The following MSRB2 variants were observed in gnomAD, a reference collection of about 807,000 sequenced individuals.
MSRB2 encodes methionine sulfoxide reductase B2, also known as methionine-R-sulfoxide reductase B2, mitochondrial.
Under a neutral mutation model 19.0 loss-of-function variants are expected in MSRB2, and 17 were observed. That is an observed-to-expected ratio of 0.89 (90% CI 0.61 to 1.34). The LOEUF (loss-of-function observed/expected upper bound fraction) is 1.34. Among genes scored for constraint, MSRB2 ranks in the 40% most tolerant of loss-of-function variants. MSRB2 has a pLI of 0.00. For synonymous variants in MSRB2, 107 were observed against 99.7 expected (o/e 1.07, Z -0.44); for missense variants, 208 against 237.6 (o/e 0.88, Z 0.82).
intron 3 of MSRB2, among the ~76,000 whole-genome samples, chr10:23,118,337 G>GTTTTTTTTT (rs35011086): frequency 7.1e-4 from 65 of 92,150 alleles, no homozygotes; most frequent in East Asian, 1.4e-3. Context: ...TTAGTTTTTT[G>GTTTTTTTTT]TTTTTTTTTT....
At chr10:23,100,660 A>C (rs1449587193) in intron 1 of MSRB2, among the ~76,000 whole-genome samples, 2 of 152,100 alleles carry the variant, frequency 1.3e-5, no homozygotes, top group Non-Finnish European at 2.9e-5. Flanking sequence ...AAACAACCAG[A>C]TCTCTCGATA....
At chr10:23,104,044 A>G in intron 1 of MSRB2, 100 bp from the exon 2 acceptor site, 1 of 883,174 alleles carries the variant, frequency 1.1e-6, no homozygotes, top group Admixed American at 2.4e-5. Flanking sequence ...GGACTGGATT[A>G]TTCTGCTGGG....
intron 1 of MSRB2, among the ~76,000 whole-genome samples, chr10:23,103,313 T>G (rs1253145373): frequency 6.6e-6 from 1 of 152,238 alleles, no homozygotes; most frequent in Non-Finnish European, 1.5e-5. Flanking sequence ...AGTGCCATAG[T>G]CAGATTACTA....
intron 1 of MSRB2, among the ~76,000 whole-genome samples, chr10:23,098,684 A>G (rs1479624282): frequency 6.6e-6 from 1 of 152,100 alleles, no homozygotes; most frequent in Non-Finnish European, 1.5e-5. Context: ...AGAAGACTTG[A>G]CTCATTCCCA....
chr10:23,120,926 C>T lies in MSRB2; in HGVS notation c.*64C>T, dbSNP rs1050992125. ...GTGCACCCTCAATTTCCACAATTCA[C>T]TTGAATGACTTGTTTTATTTGCAAT... On this transcript the variant is annotated 3_prime_UTR_variant, in exon 5 of 5. Transcript: ENST00000376510. The T allele has an allele frequency of 4.1e-6, 5 of 1,222,630 alleles. No homozygotes were observed. The African/African-American group carries it at 6.0e-5, about 15-fold the overall frequency. 75.7% of individuals were successfully genotyped at this position (1,222,630 alleles called of 1,614,324 possible). A position where few individuals can be genotyped will look rare whatever the true frequency, so the allele number is the denominator to read the frequency against.
In MSRB2 at chr10:23,119,344, T is replaced by G; in HGVS notation, c.337T>G (p.Phe113Val). 6.2e-7 allele frequency: 1 copy of G among 1,614,114 alleles called. No individual in the cohort carries two copies. Among genetic ancestry groups the G allele is most frequent in the Non-Finnish European group, 8.5e-7 (1 of 1,180,004 alleles). ...CTGCTCTGGCACTGGGTGGCCTTCG[T>G]TTTCCGAGGCTCATGGTACGTCTGG... ...KYCSGTGWPS[F>V]SEAHGTSGSD... The change falls in exon 4 of 5, where the codon TTT becomes GTT. Residue 113 changes from phenylalanine (F) to valine (V), a missense_variant. By Grantham distance (50) the Phe-to-Val change is conservative (BLOSUM62 -1). Coordinates refer to ENST00000376510, the MANE Select transcript of MSRB2 (RefSeq NM_012228.4).
At position 23,120,908 on chromosome 10, in the gene MSRB2, C is replaced by T. The variant is rs904334285; in HGVS notation, c.*46C>T. 7.1e-7 allele frequency: 1 copy of T among 1,413,180 alleles called. No homozygotes were observed. The highest frequency in any genetic ancestry group is 9.9e-7 in the Non-Finnish European group (1 of 1,007,344). 87.5% of individuals were successfully genotyped at this position (1,413,180 alleles called of 1,614,324 possible). On this transcript the variant is annotated 3_prime_UTR_variant, in exon 5 of 5. Transcript: ENST00000376510. ...CCCTTGCCACCCCTTCACGTGCACC[C>T]TCAATTTCCACAATTCACTTGAATG...
Position 23,120,203 on chromosome 10 carries a change from T to C in MSRB2, c.445-555T>C, listed in dbSNP as rs145806036. ...GTGTCACTGGCCTGCAGAGCAATGC[T>C]GCGGGTGACGTCAGCACCTCTGCCT... is the stretch of plus-strand genomic sequence containing the variant. On this transcript the variant is annotated intron_variant, in intron 4 of 4. Coordinates refer to ENST00000376510, the MANE Select transcript of MSRB2 (RefSeq NM_012228.4). Among the ~76,000 whole-genome samples, 6 of 152,352 alleles carry C rather than the reference T, an allele frequency of 3.9e-5. No homozygotes were observed. The East Asian group carries it at 1.2e-3, about 29-fold the overall frequency.
intron 1 of MSRB2, among the ~76,000 whole-genome samples, chr10:23,103,086 T>G (rs1156447936): frequency 6.6e-6 from 1 of 152,202 alleles, no homozygotes; most frequent in Non-Finnish European, 1.5e-5. Flanking sequence ...ATATATTAAA[T>G]AGCCTAAAAA....
At chr10:23,099,863 C>T (rs779700900) in intron 1 of MSRB2, among the ~76,000 whole-genome samples, 4 of 152,198 alleles carry the variant, frequency 2.6e-5, no homozygotes, top group African/African-American at 4.8e-5. Flanking sequence ...AGGTTCAAAG[C>T]GAAAGAAGTA....
At chr10:23,109,367 C>T (rs562244897) in intron 2 of MSRB2, among the ~76,000 whole-genome samples, 9 of 152,074 alleles carry the variant, frequency 5.9e-5, no homozygotes, top group African/African-American at 1.7e-4. Flanking sequence ...CTGGCTAACA[C>T]GGTGAAACCC....
At chr10:23,098,637 C>T (rs1460947515) in intron 1 of MSRB2, among the ~76,000 whole-genome samples, 1 of 152,212 alleles carries the variant, frequency 6.6e-6, no homozygotes, top group African/African-American at 2.4e-5. Context: ...GAAAAGGACA[C>T]AGCCAGTGTT....
intron 3 of MSRB2, among the ~76,000 whole-genome samples, chr10:23,114,326 A>G (rs1588970987): frequency 7.0e-6 from 1 of 143,728 alleles, no homozygotes. Flanking sequence ...CTCCAGCCTG[A>G]GTGACAGAGT....
chr10:23,096,352 C>CTCTCTGTGTGTGTGTGTGTGTG lies in MSRB2; in HGVS notation c.118+627_118+628insCTCTGTGTGTGTGTGTGTGTGT, dbSNP rs144653384. Among the ~76,000 whole-genome samples the CTCTCTGTGTGTGTGTGTGTGTG allele has an allele frequency of 1.3e-3, 190 of 142,822 alleles. 3 individuals are homozygous for CTCTCTGTGTGTGTGTGTGTGTG. Among genetic ancestry groups the CTCTCTGTGTGTGTGTGTGTGTG allele is most frequent in the South Asian group, 1.1e-3 (5 of 4,516 alleles). 93.7% of individuals were successfully genotyped at this position (142,822 alleles called of 152,430 possible). A position where few individuals can be genotyped will look rare whatever the true frequency, so the allele number is the denominator to read the frequency against. On this transcript the variant is annotated intron_variant, in intron 1 of 4. Coordinates refer to ENST00000376510, the MANE Select transcript of MSRB2 (RefSeq NM_012228.4). ...TGTGTGTGTGTGTCTCTCTCTCTCT[C>CTCTCTGTGTGTGTGTGTGTGTG]TGTGTGTGTGTGTGTGTGTGTTTCT...
intron 1 of MSRB2, among the ~76,000 whole-genome samples, chr10:23,102,376 A>G (rs1162713953): frequency 6.6e-6 from 1 of 152,174 alleles, no homozygotes; most frequent in African/African-American, 2.4e-5. Flanking sequence ...ACCATATACC[A>G]ACAATGTCTT....
chr10:23,101,867 T>C (rs1839929533), intron 1 of MSRB2, among the ~76,000 whole-genome samples: 1 of 152,196 alleles, frequency 6.6e-6, no homozygotes, highest in Non-Finnish European at 1.5e-5. Context: ...AGACAAGTTA[T>C]AAAGACAGTA....
chr10:23,101,700 C>A, intron 1 of MSRB2, among the ~76,000 whole-genome samples: 1 of 152,192 alleles, frequency 6.6e-6, no homozygotes, highest in Non-Finnish European at 1.5e-5. Context: ...CCATGGTTCA[C>A]TGAAACCCCA....
chr10:23,105,408 G>C (rs1488567779), intron 2 of MSRB2, among the ~76,000 whole-genome samples: 2 of 152,134 alleles, frequency 1.3e-5, no homozygotes, highest in African/African-American at 4.8e-5. Flanking sequence ...TTCTCTTACT[G>C]TATGTTTGTG....
intron 2 of MSRB2, among the ~76,000 whole-genome samples, chr10:23,104,582 G>C (rs1162975905): frequency 6.6e-6 from 1 of 152,100 alleles, no homozygotes; most frequent in Non-Finnish European, 1.5e-5. Flanking sequence ...TGCAGCCAAA[G>C]AGTTCTTTGG....
Sources: allele counts gnomAD v4.1 joint callset (sites outside exome capture counted in the v4.1 genomes callset), GRCh38; gene constraint gnomAD v4.1.1; transcripts MANE v1.5; gene names NCBI Gene and HGNC (gene_info 2026-07-23, HGNC 2026-07-21).